VPS8: variants seen among roughly 807,000 people sequenced by gnomAD.
VPS8 encodes VPS8 subunit of CORVET complex, also known as vacuolar protein sorting-associated protein 8 homolog.
Under a neutral mutation model 216.4 loss-of-function variants are expected in VPS8, and 129 were observed. The observed-to-expected ratio is 0.60, with a 90% CI of 0.52 to 0.69. VPS8 has a LOEUF of 0.69. Among genes scored for constraint, VPS8 ranks in the 30% least tolerant of loss-of-function variants. The pLI is 0.00. For synonymous variants in VPS8, 571 were observed against 565.4 expected (o/e 1.01, Z -0.14); for missense variants, 1,531 against 1,683.5 (o/e 0.91, Z 1.59).
chr3:184,824,752 T>G lies in VPS8; in HGVS notation c.120T>G (p.Asp40Glu). The change falls in exon 2 of 48, where the codon GAT becomes GAG. Residue 40 changes from aspartate (D) to glutamate (E), a missense_variant. Asp to Glu is a conservative substitution (Grantham distance 45, BLOSUM62 2). Around this residue, in one of 3 missense-constraint regions of VPS8, gnomAD observed 199 missense variants for 182.2 expected, o/e 1.09. Coordinates refer to ENST00000625842, the MANE Select transcript of VPS8 (RefSeq NM_001009921.3). ...EASLSKFSYI[D>E]MDKELEFKND... ...CACTTTCAAAATTCTCTTACATAGA[T>G]ATGGACAAGGAACTGGAGTTCAAAA... 3.1e-6 allele frequency: 5 copies of G among 1,613,190 alleles called. No individual in the cohort carries two copies. Among genetic ancestry groups the G allele is most frequent in the Non-Finnish European group, 4.2e-6 (5 of 1,179,462 alleles).
chr3:185,036,496 A>G (rs529561320), intron 46 of VPS8, among the ~76,000 whole-genome samples: 8 of 152,220 alleles, frequency 5.3e-5, no homozygotes, highest in Admixed American at 1.3e-4. Flanking sequence ...GCCAACAAAA[A>G]CAAGCAATGG....
At chr3:184,901,196 G>T (rs1001664182) in intron 25 of VPS8, 8 of 479,650 alleles carry the variant, frequency 1.7e-5, no homozygotes, top group African/African-American at 1.6e-4. Context: ...CCTGCTCTGG[G>T]CAGTCACTGA....
rs372626352 is a variant in VPS8 at position 184,855,777 on chromosome 3, A to G, written c.1102A>G (p.Met368Val). Residue 368 changes from methionine to valine, a missense_variant, in exon 14 of 48, where the codon ATG becomes GTG. This residue lies in a region of VPS8 where 1,318 missense variants were observed against 1,468.4 expected (regional missense o/e 0.90). Coordinates refer to ENST00000625842, the MANE Select transcript of VPS8 (RefSeq NM_001009921.3). ...AGCAGTACAAAATTACGTGAATCCC[A>G]TGCTTGCCTTCTGCAGAGGAGATGT... ...FVAVQNYVNP[M>V]LAFCRGDVVH... The G allele has an allele frequency of 2.5e-6, 4 of 1,613,602 alleles. No homozygotes were observed. In the African/African-American group the frequency reaches 4.0e-5, roughly 16 times the overall value.
intron 22 of VPS8, among the ~76,000 whole-genome samples, chr3:184,892,994 G>T (rs1357468006): frequency 6.6e-6 from 1 of 151,888 alleles, no homozygotes; most frequent in African/African-American, 2.4e-5. Flanking sequence ...GTTTTGCTTG[G>T]CTAGTAATCG....
intron 23 of VPS8, 55 bp from the exon 24 acceptor site, chr3:184,898,510 A>G: frequency 1.5e-6 from 2 of 1,350,594 alleles, no homozygotes; most frequent in Non-Finnish European, 2.1e-6. Context: ...TAAAGCATTA[A>G]GGAAAATAAT....
chr3:184,879,728 CTG>C lies in VPS8; in HGVS notation c.1735-6379_1735-6378del, dbSNP rs374519942. Among the ~76,000 whole-genome samples the C allele has an allele frequency of 1.2e-3, 176 of 152,292 alleles. 2 individuals carry two copies. In the East Asian group the frequency reaches 0.027, roughly 23 times the overall value. Reference sequence around the variant, plus strand: ...CCCAGCTCTGTGGAGCAAGGCAACTCTGTGAGGATTCTGTAGGAAGTTGAGTC... The same window carrying C: ...CCCAGCTCTGTGGAGCAAGGCAACTCTGAGGATTCTGTAGGAAGTTGAGTC... On this transcript the variant is annotated intron_variant, in intron 21 of 47. Coordinates refer to ENST00000625842, the MANE Select transcript of VPS8 (RefSeq NM_001009921.3).
intron 27 of VPS8, 64 bp from the exon 28 acceptor site, chr3:184,915,291 C>T (rs981320557): frequency 6.4e-7 from 1 of 1,552,760 alleles, no homozygotes; most frequent in African/African-American, 1.4e-5. Context: ...AAATGAGAAT[C>T]ACTGCTTCAG....
At chr3:185,048,299 C>G (rs546161974) in intron 46 of VPS8, among the ~76,000 whole-genome samples, 180 bp from the exon 47 acceptor site, 1 of 152,192 alleles carries the variant, frequency 6.6e-6, no homozygotes, top group Non-Finnish European at 1.5e-5. Flanking sequence ...AAGGAGGGAT[C>G]TTAGGGGACG....
At chr3:184,876,337 A>G (rs1729268042) in intron 21 of VPS8, among the ~76,000 whole-genome samples, 1 of 151,826 alleles carries the variant, frequency 6.6e-6, no homozygotes, top group Admixed American at 6.6e-5. Flanking sequence ...TCATTTGAAG[A>G]TATTTGTTAA....
chr3:184,876,781 G>C (rs1729354479), intron 21 of VPS8, among the ~76,000 whole-genome samples: 1 of 152,072 alleles, frequency 6.6e-6, no homozygotes, highest in Non-Finnish European at 1.5e-5. Context: ...CACTATCCTA[G>C]TCTAAGTGCC....
At chr3:184,892,285 C>T (rs1030424341) in intron 22 of VPS8, among the ~76,000 whole-genome samples, 2 of 152,102 alleles carry the variant, frequency 1.3e-5, no homozygotes, top group African/African-American at 4.8e-5. Context: ...GAGTCGATCT[C>T]GGCTCACTGC....
At chr3:184,904,988 G>T (rs561366723) in intron 25 of VPS8, among the ~76,000 whole-genome samples, 1 of 152,234 alleles carries the variant, frequency 6.6e-6, no homozygotes, top group Non-Finnish European at 1.5e-5. Context: ...CTGGCACCTA[G>T]TGTCTCATGA....
At chr3:184,937,525 A>G (rs1741857550) in intron 35 of VPS8, among the ~76,000 whole-genome samples, 1 of 152,194 alleles carries the variant, frequency 6.6e-6, no homozygotes, top group Non-Finnish European at 1.5e-5. Context: ...TAGAACAGAG[A>G]AGCACTTGCA....
At chr3:184,975,532 G>A (rs1749114518) in intron 40 of VPS8, among the ~76,000 whole-genome samples, 1 of 151,946 alleles carries the variant, frequency 6.6e-6, no homozygotes, top group Non-Finnish European at 1.5e-5. Flanking sequence ...CAATTTGGAT[G>A]CCTTTTATTT....
intron 46 of VPS8, among the ~76,000 whole-genome samples, chr3:185,042,284 C>T (rs957752018): frequency 1.3e-5 from 2 of 152,172 alleles, no homozygotes; most frequent in African/African-American, 2.4e-5. Context: ...AAATCAGCCA[C>T]GTATTTTTGA....
At chr3:184,992,614 C>T (rs961959761) in intron 42 of VPS8, among the ~76,000 whole-genome samples, 13 of 152,000 alleles carry the variant, frequency 8.6e-5, no homozygotes, top group African/African-American at 3.1e-4. Flanking sequence ...TAGTACTGTA[C>T]TTGGCATATG....
intron 21 of VPS8, among the ~76,000 whole-genome samples, chr3:184,884,217 C>T (rs1488432605): frequency 6.6e-6 from 1 of 152,110 alleles, no homozygotes; most frequent in Non-Finnish European, 1.5e-5. Context: ...TGCTATCCCT[C>T]CCCCAGCCCC....
chr3:185,017,301 A>G (rs143185546), intron 45 of VPS8, among the ~76,000 whole-genome samples: 36 of 152,278 alleles, frequency 2.4e-4, no homozygotes, highest in Non-Finnish European at 4.7e-4. Context: ...CTATAGAGAA[A>G]TGATTGAAAT....
chr3:185,051,747 T>C lies in VPS8; in HGVS notation c.4138-129T>C, dbSNP rs1714291843. The C allele has an allele frequency of 3.0e-5, 36 of 1,188,986 alleles. 1 individual carries two copies. In the South Asian group the frequency reaches 6.2e-4, roughly 21 times the overall value. 73.7% of individuals were successfully genotyped at this position (1,188,986 alleles called of 1,614,324 possible). On this transcript the variant is annotated intron_variant, in intron 47 of 47. Coordinates refer to ENST00000625842, the MANE Select transcript of VPS8 (RefSeq NM_001009921.3). ...TCGTTTGTGATATATGGACCTAAGA[T>C]TCAAACCCTGCATGTTACTACTCCT...
Sources: allele counts gnomAD v4.1 joint callset (sites outside exome capture counted in the v4.1 genomes callset), GRCh38; gene constraint gnomAD v4.1.1; regional missense constraint gnomAD v4.1.1; transcripts MANE v1.5; gene names NCBI Gene and HGNC (gene_info 2026-07-23, HGNC 2026-07-21).